Variants in THOC3 observed in about 807,000 individuals in gnomAD.
THOC3 encodes the protein TEX1 homolog.
Under a neutral mutation model 23.3 loss-of-function variants are expected in THOC3, and 4 were observed. The observed-to-expected ratio is 0.17, with a 90% CI of 0.08 to 0.39. The LOEUF is 0.39. THOC3 is among the 10% of genes least tolerant of loss of function. THOC3 has a pLI of 1.00. For missense variants in THOC3, 64 were observed against 359.4 expected, an observed-to-expected ratio of 0.18 and a Z score of 6.65; for synonymous variants, 27 against 141.5, an observed-to-expected ratio of 0.19 and a Z score of 5.74.
At position 175,965,208 on chromosome 5, in the gene THOC3, C is replaced by A. The variant is rs1395304242; in HGVS notation, c.425-53G>T. On this transcript the variant is annotated intron_variant, in intron 2 of 5. Coordinates refer to ENST00000265097, the MANE Select transcript of THOC3 (RefSeq NM_032361.4). Reference sequence around the variant, plus strand: ...TAATCTGTTTGCTCATAATCTTCCACAAGTTTATTGCACTATCCTAGAAAG... The same window carrying A: ...TAATCTGTTTGCTCATAATCTTCCAAAAGTTTATTGCACTATCCTAGAAAG... 24 of 1,612,006 alleles carry A rather than the reference C, an allele frequency of 1.5e-5. No homozygotes were observed. The African/African-American group carries it at 2.9e-4, about 20-fold the overall frequency.
intron 2 of THOC3, among the ~76,000 whole-genome samples, chr5:175,965,780 G>A (rs2113057841): frequency 6.6e-6 from 1 of 152,296 alleles, no homozygotes; most frequent in East Asian, 1.9e-4. Flanking sequence ...TCTTACACCA[G>A]CATTTCTCAA....
intron 3 of THOC3, among the ~76,000 whole-genome samples, chr5:175,963,404 C>T (rs1756703485): frequency 6.6e-6 from 1 of 151,678 alleles, no homozygotes; most frequent in Non-Finnish European, 1.5e-5. Context: ...ACTAGGGTAT[C>T]TAGGGGCTGC....
rs2113062109 is a variant in THOC3, at chr5:175,968,064, G to A, written c.145C>T (p.Arg49Cys). ...QELFRGHSKT[R>C]EFLAHSAKVH... ...TTGGCGCTGTGCGCCAGGAACTCGC[G>A]CGTCTTGCTGTGGCCCCGGAACAGC... is the stretch of plus-strand genomic sequence containing the variant. Residue 49 changes from arginine to cysteine, a missense_variant, in exon 1 of 6, where the codon CGC becomes TGC. Coordinates refer to ENST00000265097, the MANE Select transcript of THOC3 (RefSeq NM_032361.4). 6.2e-7 allele frequency: 1 copy of A among 1,611,576 alleles called. No individual in the cohort carries two copies. Among genetic ancestry groups the A allele is most frequent in the Non-Finnish European group, 8.5e-7 (1 of 1,179,754 alleles).
chr5:175,966,505 T>C (rs1466142716), intron 2 of THOC3, among the ~76,000 whole-genome samples: 1 of 149,338 alleles, frequency 6.7e-6, no homozygotes, highest in Non-Finnish European at 1.5e-5. Context: ...TCTTAAAATG[T>C]ATCAGAAAGC....
chr5:175,960,150 G>A lies in THOC3; in HGVS notation c.893-18C>T. 1 of 690,144 alleles carries A rather than the reference G, an allele frequency of 1.4e-6. No individual in the cohort carries two copies. The highest frequency in any genetic ancestry group is 2.2e-6 in the Non-Finnish European group (1 of 458,310). The allele number at this position is 690,144 out of a possible 1,614,324, so 42.8% of individuals were successfully genotyped here. ...TTTGTCCCCTACAGAAAACAATAGAGAGAAACCAATCAATACGTTCAAAAC... is the reference window on the plus strand; with the variant it reads ...TTTGTCCCCTACAGAAAACAATAGAAAGAAACCAATCAATACGTTCAAAAC... On this transcript the variant is annotated intron_variant, in intron 5 of 5. Transcript: ENST00000265097.
At chr5:175,964,338 G>T (rs1756724644) in intron 3 of THOC3, among the ~76,000 whole-genome samples, 2 of 152,346 alleles carry the variant, frequency 1.3e-5, no homozygotes, top group African/African-American at 4.8e-5. Flanking sequence ...CTTCCCTGAA[G>T]GCAAAGTGAT....
intron 3 of THOC3, among the ~76,000 whole-genome samples, chr5:175,961,875 T>C (rs1756665552): frequency 6.6e-6 from 1 of 152,084 alleles, no homozygotes; most frequent in African/African-American, 2.4e-5. Context: ...GTTTTAGAAG[T>C]ACGTAAATAA....
chr5:175,964,182 C>T (rs1372358335), intron 3 of THOC3, among the ~76,000 whole-genome samples: 1 of 152,268 alleles, frequency 6.6e-6, no homozygotes, highest in African/African-American at 2.4e-5. Flanking sequence ...AAGGCAAACA[C>T]CATCCCTACC....
chr5:175,961,866 T>A (rs1456730352), intron 3 of THOC3, among the ~76,000 whole-genome samples: 1 of 152,056 alleles, frequency 6.6e-6, no homozygotes, highest in African/African-American at 2.4e-5. Flanking sequence ...AATCTGTAAG[T>A]TTTAGAAGTA....
At chr5:175,962,944 G>C (rs1208540133) in intron 3 of THOC3, among the ~76,000 whole-genome samples, 1 of 151,910 alleles carries the variant, frequency 6.6e-6, no homozygotes, top group Non-Finnish European at 1.5e-5. Context: ...TGTCAAAAAA[G>C]GTCTCAGGAA....
chr5:175,962,246 A>G (rs1422858435), intron 3 of THOC3, among the ~76,000 whole-genome samples: 2 of 146,222 alleles, frequency 1.4e-5, no homozygotes, highest in Admixed American at 6.8e-5. Context: ...TAACCATCGG[A>G]TATTCTAATT....
chr5:175,961,165 TG>T lies in THOC3; in HGVS notation c.792-15del. On this transcript the variant is annotated splice_polypyrimidine_tract_variant and intron_variant, in intron 4 of 5. Transcript: ENST00000265097. ...GGCCAATCCAGCCTATGATACAGAG[TG>T]GACAGAAGAGACAAGAGAATTACCA... 1 of 442,368 alleles carries T rather than the reference TG, an allele frequency of 2.3e-6. No individual in the cohort carries two copies. Among genetic ancestry groups the T allele is most frequent in the South Asian group, 2.6e-5 (1 of 38,498 alleles). The allele number at this position is 442,368 out of a possible 1,614,324, so 27.4% of individuals were successfully genotyped here. A position where few individuals can be genotyped will look rare whatever the true frequency, so the allele number is the denominator to read the frequency against.
intron 3 of THOC3, among the ~76,000 whole-genome samples, chr5:175,963,133 C>G (rs1756698088): frequency 1.3e-5 from 2 of 152,198 alleles, no homozygotes; most frequent in African/African-American, 2.4e-5. Context: ...AAATCATTAT[C>G]TGACAAACAG....
At chr5:175,963,008 G>C (rs1756695407) in intron 3 of THOC3, among the ~76,000 whole-genome samples, 2 of 152,166 alleles carry the variant, frequency 1.3e-5, no homozygotes, top group Admixed American at 1.3e-4. Flanking sequence ...AGCTTCAACA[G>C]GCGTAACAAT....
intron 3 of THOC3, among the ~76,000 whole-genome samples, chr5:175,963,160 T>C (rs1756698526): frequency 6.6e-6 from 1 of 152,202 alleles, no homozygotes; most frequent in Non-Finnish European, 1.5e-5. Context: ...AATTTTATCC[T>C]GCCTTCCCTA....
At chr5:175,963,021 C>T (rs1465643690) in intron 3 of THOC3, among the ~76,000 whole-genome samples, 2 of 152,160 alleles carry the variant, frequency 1.3e-5, no homozygotes, top group African/African-American at 2.4e-5. Context: ...GTAACAATTA[C>T]AAGAGATGGA....
At position 175,968,111 on chromosome 5, in the gene THOC3, C is replaced by T. The variant is rs754434569; in HGVS notation, c.98G>A (p.Arg33His). 3.7e-6 allele frequency: 6 copies of T among 1,607,578 alleles called. No individual in the cohort carries two copies. Among genetic ancestry groups the T allele is most frequent in the Non-Finnish European group, 5.1e-6 (6 of 1,178,016 alleles). The change falls in exon 1 of 6, where the codon CGC (arginine) becomes CAC (histidine). Residue 33 changes from arginine to histidine, a missense_variant. Transcript: ENST00000265097. ...PWCSVSSGPS[R>H]YVLGMQELFR... ...CAGCTCCTGCATCCCAAGCACGTAG[C>T]GCGACGGGCCGCTGCTCACTGAGCA...
chr5:175,965,492 T>C (rs1286595669), intron 2 of THOC3, among the ~76,000 whole-genome samples: 1 of 152,280 alleles, frequency 6.6e-6, no homozygotes, highest in Non-Finnish European at 1.5e-5. Flanking sequence ...TGGCGCAATC[T>C]CGGCTCACTG....
intron 3 of THOC3, among the ~76,000 whole-genome samples, chr5:175,961,720 T>G (rs1439809358): frequency 6.6e-6 from 1 of 152,006 alleles, no homozygotes; most frequent in East Asian, 1.9e-4. Flanking sequence ...ACAGCAACAC[T>G]TAATGCCAAA....
Sources: allele counts gnomAD v4.1 joint callset (sites outside exome capture counted in the v4.1 genomes callset), GRCh38; gene constraint gnomAD v4.1.1; transcripts MANE v1.5; gene names NCBI Gene and HGNC (gene_info 2026-07-23, HGNC 2026-07-21).